Variants in SLC24A4 observed in about 807,000 individuals in gnomAD.
SLC24A4 encodes the protein sodium/potassium/calcium exchanger 4.
Under a neutral mutation model 79.0 loss-of-function variants are expected in SLC24A4, and 53 were observed. The observed-to-expected ratio is 0.67, with a 90% CI of 0.54 to 0.84. The LOEUF (loss-of-function observed/expected upper bound fraction) is 0.84. Among genes scored for constraint, SLC24A4 ranks in the 40% least tolerant of loss-of-function variants. SLC24A4 has a pLI of 0.00. For synonymous variants in SLC24A4, 323 were observed against 323.8 expected, an observed-to-expected ratio of 1.00 and a Z score of 0.03; for missense variants, 731 against 822.0, an observed-to-expected ratio of 0.89 and a Z score of 1.35.
intron 2 of SLC24A4, among the ~76,000 whole-genome samples, chr14:92,342,235 T>A (rs1165811109): frequency 1.4e-5 from 2 of 145,004 alleles, no homozygotes; most frequent in Admixed American, 1.4e-4. Flanking sequence ...GAGCCGTGCC[T>A]CCCCATCTTT....
chr14:92,334,817 C>T (rs566924261), intron 2 of SLC24A4, among the ~76,000 whole-genome samples: 2 of 152,244 alleles, frequency 1.3e-5, no homozygotes, highest in South Asian at 4.1e-4. Flanking sequence ...CTGTGTGACA[C>T]CACATGCTGT....
chr14:92,336,463 C>T (rs997023262), intron 2 of SLC24A4, among the ~76,000 whole-genome samples: 3 of 152,298 alleles, frequency 2.0e-5, no homozygotes, highest in South Asian at 4.1e-4. Context: ...AGGGGTCTTC[C>T]GGTTGGAGGT....
chr14:92,479,226 G>A (rs920454813), intron 12 of SLC24A4, among the ~76,000 whole-genome samples: 2 of 152,086 alleles, frequency 1.3e-5, no homozygotes, highest in Non-Finnish European at 2.9e-5. Flanking sequence ...CTAGTTCAGT[G>A]TTGAAGGAGT....
At chr14:92,433,454 GT>G (rs1891985638) in intron 2 of SLC24A4, among the ~76,000 whole-genome samples, 1 of 152,104 alleles carries the variant, frequency 6.6e-6, no homozygotes, top group African/African-American at 2.4e-5. Flanking sequence ...TTTCTCTTGG[GT>G]CTATACTTGC....
rs1402711741 is a variant in SLC24A4, at chr14:92,498,972, C to A, written c.*5344C>A. On this transcript the variant is annotated 3_prime_UTR_variant, in exon 17 of 17. Transcript: ENST00000532405. The stretch of plus-strand genomic sequence containing the variant: ...GCCCACCTGGAATCAGGAGAAGAGG[C>A]TTTTCCCTCCTGTTCTGCAACCAGG... The A allele has an allele frequency of 1.3e-5, 2 of 152,242 alleles. No individual in the cohort carries two copies. The highest frequency in any genetic ancestry group is 4.8e-5 in the African/African-American group (2 of 41,452). 9.4% of individuals were successfully genotyped at this position (152,242 alleles called of 1,614,324 possible).
chr14:92,366,774 T>A (rs556499573), intron 2 of SLC24A4, among the ~76,000 whole-genome samples: 1 of 152,288 alleles, frequency 6.6e-6, no homozygotes, highest in Admixed American at 6.5e-5. Context: ...TCACTTCATG[T>A]TTTTCTGTGG....
At position 92,402,631 on chromosome 14, in the gene SLC24A4, A is replaced by G. The variant is rs918338888; in HGVS notation, c.242-31281A>G. Among the ~76,000 whole-genome samples, 4 of 152,166 alleles carry G rather than the reference A, an allele frequency of 2.6e-5. No individual in the cohort carries two copies. The East Asian group carries it at 7.7e-4, about 29-fold the overall frequency. ...GGTTTAATTGGACTTACAGTTCCAC[A>G]TGGCTGGGGAAGCCTCATAATCATG... On this transcript the variant is annotated intron_variant, in intron 2 of 16. Coordinates refer to ENST00000532405, the MANE Select transcript of SLC24A4 (RefSeq NM_153646.4).
intron 2 of SLC24A4, among the ~76,000 whole-genome samples, chr14:92,356,082 G>T (rs73333722): frequency 0.033 from 5,022 of 152,252 alleles, 123 homozygotes; most frequent in African/African-American, 0.073. Flanking sequence ...ATTATTCAAT[G>T]AATCACATGA....
intron 2 of SLC24A4, among the ~76,000 whole-genome samples, chr14:92,372,082 C>A (rs1888201343): frequency 6.6e-6 from 1 of 152,216 alleles, no homozygotes; most frequent in African/African-American, 2.4e-5. Context: ...TGATGTGATT[C>A]CAGCCAGCTG....
rs933152505 is a variant in SLC24A4 at position 92,445,413 on chromosome 14, C to T, written c.683+71C>T. The stretch of plus-strand genomic sequence containing the variant: ...TTCCAGTATCCTTATTTGTTGGGTT[C>T]CCTGAATCGTTTTAAAAATTATTTT... On this transcript the variant is annotated intron_variant, in intron 8 of 16. Coordinates refer to ENST00000532405, the MANE Select transcript of SLC24A4 (RefSeq NM_153646.4). 70 of 1,471,766 alleles carry T rather than the reference C, an allele frequency of 4.8e-5. 1 individual carries two copies. The highest frequency in any genetic ancestry group is 4.9e-5 in the Non-Finnish European group (52 of 1,069,722). 91.2% of individuals were successfully genotyped at this position (1,471,766 alleles called of 1,614,324 possible).
chr14:92,481,649 T>C (rs1006187550), intron 12 of SLC24A4, among the ~76,000 whole-genome samples: 2 of 152,178 alleles, frequency 1.3e-5, no homozygotes, highest in Non-Finnish European at 2.9e-5. Flanking sequence ...GGAATAAAAA[T>C]AGGGAAAGTT....
At chr14:92,475,880 G>T (rs1894733220) in intron 12 of SLC24A4, among the ~76,000 whole-genome samples, 2 of 152,078 alleles carry the variant, frequency 1.3e-5, no homozygotes, top group Non-Finnish European at 2.9e-5. Context: ...TCACTAAATT[G>T]ATTTCACCAT....
At chr14:92,334,674 G>C (rs542519527) in intron 2 of SLC24A4, among the ~76,000 whole-genome samples, 11 of 152,262 alleles carry the variant, frequency 7.2e-5, no homozygotes, top group African/African-American at 2.6e-4. Flanking sequence ...GAAGGCAGAC[G>C]TGAGGGTTTG....
chr14:92,482,807 G>A lies in SLC24A4; in HGVS notation c.1383G>A (p.Thr461=), dbSNP rs753883835. The part of the protein sequence containing the change: ...KFFMVTFITA[T]LWIAVFSYIM... Reference sequence around the variant, plus strand: ...TCATGGTCACCTTCATCACCGCCACGCTGTGGATCGCTGTGTTCTCCTACA... The same window carrying A: ...TCATGGTCACCTTCATCACCGCCACACTGTGGATCGCTGTGTTCTCCTACA... The change falls in exon 13 of 17, where the codon ACG becomes ACA. Residue 461 remains threonine, a synonymous_variant. Transcript: ENST00000532405. 46 of 1,613,576 alleles carry A rather than the reference G, an allele frequency of 2.9e-5. No individual in the cohort carries two copies. Among genetic ancestry groups the A allele is most frequent in the South Asian group, 1.9e-4 (17 of 91,060 alleles).
intron 14 of SLC24A4, 82 bp from the exon 15 acceptor site, chr14:92,491,583 C>A: frequency 1.1e-6 from 1 of 938,798 alleles, no homozygotes; most frequent in Non-Finnish European, 1.7e-6. Flanking sequence ...CAAGGAATGG[C>A]ACTGATAGAA....
intron 2 of SLC24A4, among the ~76,000 whole-genome samples, chr14:92,421,878 C>T (rs1211839207): frequency 1.3e-5 from 2 of 151,908 alleles, no homozygotes; most frequent in Non-Finnish European, 2.9e-5. Flanking sequence ...AACATTTTTA[C>T]GATAAAGCAT....
chr14:92,473,047 C>G (rs946574757), intron 12 of SLC24A4, among the ~76,000 whole-genome samples: 1 of 152,192 alleles, frequency 6.6e-6, no homozygotes. Flanking sequence ...TGGCCCCATG[C>G]GGCACACCCT....
chr14:92,338,482 C>T (rs1350338964), intron 2 of SLC24A4, among the ~76,000 whole-genome samples: 1 of 152,196 alleles, frequency 6.6e-6, no homozygotes, highest in East Asian at 1.9e-4. Context: ...AAGCATGGTG[C>T]TTGGCTAATG....
rs1896041764 is a variant in SLC24A4, at chr14:92,499,072, C to T, written c.*5444C>T. On this transcript the variant is annotated 3_prime_UTR_variant, in exon 17 of 17. Transcript: ENST00000532405. ...TTATTTTATGGGGGTTTTAAACCTC[C>T]TAACTTTTCAATGACAAATGGCTCC... The T allele has an allele frequency of 6.6e-6, 1 of 152,222 alleles. No individual in the cohort carries two copies. The highest frequency in any genetic ancestry group is 2.4e-5 in the African/African-American group (1 of 41,452). 9.4% of individuals were successfully genotyped at this position (152,222 alleles called of 1,614,324 possible).
Sources: gnomAD v4.1 joint callset for allele counts (sites outside exome capture counted in the v4.1 genomes callset) on GRCh38, gnomAD v4.1.1 for gene constraint, MANE v1.5 for transcripts, NCBI Gene and HGNC (gene_info 2026-07-23, HGNC 2026-07-21) for gene names.